The following COG6 variants were observed in gnomAD, a reference collection of about 807,000 sequenced individuals.
COG6 encodes the protein conserved oligomeric Golgi complex subunit 6.
In COG6, 74 loss-of-function variants were observed where a neutral mutation model predicts 88.8. The ratio of observed to expected loss-of-function variants is 0.83; its 90% confidence interval spans 0.69 to 1.01. COG6 has a LOEUF of 1.01. Among genes scored for constraint, COG6 ranks in the 50% least tolerant of loss-of-function variants. The probability of loss-of-function intolerance (pLI) is 0.00; values close to 1 mark genes in which losing one functional copy is unlikely to be tolerated. For missense variants in COG6, 800 were observed against 797.9 expected (o/e 1.00, Z -0.03); for synonymous variants, 286 against 278.7 (o/e 1.03, Z -0.26).
exon 19 of COG6, chr13:39,791,143 A>C (rs529146995): frequency 6.5e-4 from 99 of 152,244 alleles, no homozygotes; most frequent in African/African-American, 2.3e-3. Context: ...ACTTACATAC[A>C]TACATACAAA....
At chr13:39,779,763 C>T (rs1387914268) in intron 18 of COG6, among the ~76,000 whole-genome samples, 1 of 152,176 alleles carries the variant, frequency 6.6e-6, no homozygotes, top group Admixed American at 6.5e-5. Flanking sequence ...TCTCTGACAT[C>T]ACAGGAAGGG....
chr13:39,724,483 C>CCT (rs1566197012), intron 16 of COG6, 25 bp from the exon 17 acceptor site: 43 of 1,283,564 alleles, frequency 3.4e-5, no homozygotes, highest in Admixed American at 4.4e-5. Context: ...CTTGGATCTG[C>CCT]TTTTTTTTTT....
At chr13:39,734,155 T>G (rs572148108) in intron 18 of COG6, among the ~76,000 whole-genome samples, 2 of 152,264 alleles carry the variant, frequency 1.3e-5, no homozygotes, top group South Asian at 4.1e-4. Flanking sequence ...TGGGTTTGGT[T>G]TCTTCTTGCT....
rs201467403 is a variant in COG6 at position 39,735,214 on chromosome 13, A to AT, written c.1826+7670dup. ...TCTTGTCTCTTTTTTAGTGAAGGTG[A>AT]TTTTCTCTGGTGGTATATTTTAAAT... On this transcript the variant is annotated intron_variant, in intron 18 of 18. Coordinates refer to ENST00000455146, the MANE Select transcript of COG6 (RefSeq NM_020751.3). Among the ~76,000 whole-genome samples the AT allele has an allele frequency of 7.4e-3, 1,101 of 148,870 alleles. 9 individuals carry two copies. Among genetic ancestry groups the AT allele is most frequent in the South Asian group, 0.011 (51 of 4,670 alleles).
intron 18 of COG6, among the ~76,000 whole-genome samples, chr13:39,748,123 AAAGAACT>A (rs1487152875): frequency 2.6e-5 from 4 of 152,226 alleles, no homozygotes; most frequent in Admixed American, 2.0e-4. Flanking sequence ...TGCGCTTAGA[AAAGAACT>A]AAGAACACTG....
intron 18 of COG6, among the ~76,000 whole-genome samples, chr13:39,764,645 A>G (rs908689587): frequency 1.3e-5 from 2 of 152,008 alleles, no homozygotes; most frequent in African/African-American, 4.8e-5. Flanking sequence ...ATTACTTAGA[A>G]ATATATTTTC....
chr13:39,732,030 T>C (rs112035279), intron 18 of COG6, among the ~76,000 whole-genome samples: 5 of 152,250 alleles, frequency 3.3e-5, no homozygotes, highest in African/African-American at 1.2e-4. Context: ...CTTCTGCCTT[T>C]TTGTTCCATT....
At chr13:39,743,250 G>A (rs572756792) in intron 18 of COG6, among the ~76,000 whole-genome samples, 3 of 152,144 alleles carry the variant, frequency 2.0e-5, no homozygotes, top group Non-Finnish European at 2.9e-5. Context: ...AAATGACTAA[G>A]ATCAGAGCAG....
intron 18 of COG6, among the ~76,000 whole-genome samples, chr13:39,770,045 C>T (rs1881276162): frequency 6.6e-6 from 1 of 152,166 alleles, no homozygotes; most frequent in South Asian, 2.1e-4. Flanking sequence ...AACTCTTTAC[C>T]TTATAGTACC....
chr13:39,695,859 C>T (rs539932603), intron 12 of COG6, among the ~76,000 whole-genome samples: 3 of 151,934 alleles, frequency 2.0e-5, no homozygotes, highest in African/African-American at 7.2e-5. Flanking sequence ...ATTATAGCAT[C>T]CTGTAATAAG....
chr13:39,774,399 T>C (rs1379882190), intron 18 of COG6, among the ~76,000 whole-genome samples: 1 of 152,194 alleles, frequency 6.6e-6, no homozygotes, highest in African/African-American at 2.4e-5. Flanking sequence ...TTACAACTGA[T>C]GCTCAAAAAC....
At chr13:39,662,818 G>A (rs1027745522) in intron 3 of COG6, among the ~76,000 whole-genome samples, 5 of 151,946 alleles carry the variant, frequency 3.3e-5, no homozygotes, top group African/African-American at 1.2e-4. Flanking sequence ...TTTGGATATA[G>A]CACTATTGGA....
chr13:39,753,238 C>T (rs1880725559), downstream of COG6, among the ~76,000 whole-genome samples: 1 of 152,148 alleles, frequency 6.6e-6, no homozygotes, highest in African/African-American at 2.4e-5. Context: ...ACTCAAGAGG[C>T]TCAAGAGATC....
chr13:39,698,195 T>A (rs553697836), intron 12 of COG6, among the ~76,000 whole-genome samples: 3 of 151,968 alleles, frequency 2.0e-5, no homozygotes, highest in South Asian at 2.1e-4. Flanking sequence ...AAAAAATGAA[T>A]GTAAATGTAT....
intron 18 of COG6, among the ~76,000 whole-genome samples, chr13:39,731,629 G>T (rs1033793787): frequency 3.3e-5 from 5 of 152,138 alleles, no homozygotes; most frequent in African/African-American, 1.2e-4. Flanking sequence ...ATGGGAAAAT[G>T]GGTAAGTTTT....
At chr13:39,750,758 T>G (rs1416449878) in intron 18 of COG6, among the ~76,000 whole-genome samples, 188 bp from the exon 19 acceptor site, 1 of 152,164 alleles carries the variant, frequency 6.6e-6, no homozygotes, top group Admixed American at 6.5e-5. Context: ...TAATAAATAA[T>G]GAATACAAAA....
chr13:39,723,365 G>C lies in COG6; in HGVS notation c.1617G>C (p.Glu539Asp), dbSNP rs1410744980. ...CACATTTGGACACACTTATAAATGA[G>C]CAAGCCTCTTATGTTTTAACTAGGG... Reference protein sequence around the residue: ...IEAHLDTLINEQASYVLTRVG... With the variant: ...IEAHLDTLINDQASYVLTRVG... The change falls in exon 16 of 19, where the codon GAG becomes GAC. Residue 539 changes from glutamate to aspartate, a missense_variant. Glu to Asp is a conservative substitution (Grantham distance 45). Transcript: ENST00000455146. The C allele has an allele frequency of 1.2e-6, 2 of 1,610,804 alleles. No homozygotes were observed. Among genetic ancestry groups the C allele is most frequent in the African/African-American group, 2.7e-5 (2 of 74,804 alleles).
intron 12 of COG6, among the ~76,000 whole-genome samples, chr13:39,698,697 T>C (rs1877409282): frequency 2.6e-5 from 4 of 151,932 alleles, no homozygotes; most frequent in Admixed American, 2.0e-4. Context: ...TTTTTAGGCA[T>C]GGAAGATGTT....
At chr13:39,682,947 G>A (rs1876401821) in intron 8 of COG6, among the ~76,000 whole-genome samples, 1 of 151,966 alleles carries the variant, frequency 6.6e-6, no homozygotes, top group Admixed American at 6.6e-5. Context: ...GAAACGAGGG[G>A]ACTCTTACCA....
Sources: gnomAD v4.1 joint callset for allele counts (sites outside exome capture counted in the v4.1 genomes callset) on GRCh38, gnomAD v4.1.1 for gene constraint, MANE v1.5 for transcripts, NCBI Gene and HGNC (gene_info 2026-07-23, HGNC 2026-07-21) for gene names.